The following ZC3H7A variants were observed in gnomAD, a reference collection of about 807,000 sequenced individuals.
The protein encoded by ZC3H7A is zinc finger CCCH domain-containing protein 7A.
ZC3H7A carries 44 observed loss-of-function variants against 125.5 expected under a neutral mutation model. The observed-to-expected ratio is 0.35, with a 90% confidence interval of 0.28 to 0.45. The LOEUF (loss-of-function observed/expected upper bound fraction) is 0.45, where lower values mean the gene tolerates loss of function less well. ZC3H7A is among the 20% of genes least tolerant of loss of function. ZC3H7A has a pLI of 1.00. For missense variants in ZC3H7A, 977 were observed against 1,170.7 expected (o/e 0.83, Z 2.41); for synonymous variants, 399 against 391.2 (o/e 1.02, Z -0.23).
intron 1 of ZC3H7A, among the ~76,000 whole-genome samples, chr16:11,790,535 G>A (rs774031583): frequency 3.9e-5 from 6 of 151,960 alleles, no homozygotes; most frequent in African/African-American, 7.3e-5. Context: ...TGTTGTTGTC[G>A]TCGTCGTTAT....
intron 21 of ZC3H7A, chr16:11,753,541 A>C (rs1179393386): frequency 6.6e-6 from 1 of 152,412 alleles, no homozygotes; most frequent in African/African-American, 2.4e-5. Context: ...TCCTGGGCTC[A>C]AGTGGTCCTC....
intron 1 of ZC3H7A, among the ~76,000 whole-genome samples, chr16:11,791,125 ACACAC>A (rs2053343710): frequency 1.3e-5 from 2 of 150,948 alleles, no homozygotes; most frequent in African/African-American, 2.4e-5. Context: ...ACACACACAC[ACACAC>A]ATCCCAATGC....
chr16:11,773,744 G>T (rs1373305880), intron 9 of ZC3H7A, among the ~76,000 whole-genome samples: 2 of 151,716 alleles, frequency 1.3e-5, no homozygotes, highest in Non-Finnish European at 2.9e-5. Flanking sequence ...TTAGCCAGGC[G>T]TGGTGGCGGG....
At position 11,790,321 on chromosome 16, in the gene ZC3H7A, G is replaced by A. The variant is rs532942741; in HGVS notation, c.-35+6803C>T. On this transcript the variant is annotated intron_variant, in intron 1 of 22. Transcript: ENST00000355758. ...TAATCTATCATTAGCAAGGCTCAGC[G>A]TCCTTTCAAATTTAAGAATCATCTG... 4.1e-4 allele frequency among the ~76,000 whole-genome samples: 62 copies of A among 152,240 alleles called. No individual in the cohort carries two copies. In the South Asian group the frequency reaches 5.0e-3, roughly 12 times the overall value.
At chr16:11,758,778 A>C in intron 19 of ZC3H7A, 1 of 424,944 alleles carries the variant, frequency 2.4e-6, no homozygotes, top group Non-Finnish European at 4.2e-6. Context: ...AAAGCATGGA[A>C]CATTTTCTTA....
chr16:11,782,470 G>C, intron 1 of ZC3H7A, 82 bp from the exon 2 acceptor site: 1 of 1,160,274 alleles, frequency 8.6e-7, no homozygotes, highest in Non-Finnish European at 1.3e-6. Context: ...TCCAGACCTT[G>C]TCACACAATC....
intron 21 of ZC3H7A, among the ~76,000 whole-genome samples, chr16:11,754,690 G>C (rs146625800): frequency 6.6e-6 from 1 of 152,090 alleles, no homozygotes; most frequent in African/African-American, 2.4e-5. Context: ...TCAGGAGTTT[G>C]AGACCAGCCT....
chr16:11,760,526 A>G (rs1239840866), intron 19 of ZC3H7A, among the ~76,000 whole-genome samples: 2 of 152,178 alleles, frequency 1.3e-5, no homozygotes, highest in Non-Finnish European at 2.9e-5. Flanking sequence ...GGTGGTGAAA[A>G]ATACATCTAC....
chr16:11,779,479 T>A, intron 3 of ZC3H7A, 116 bp from the exon 4 acceptor site: 2 of 876,550 alleles, frequency 2.3e-6, no homozygotes, highest in Non-Finnish European at 3.4e-6. Flanking sequence ...ACAGCAGCAT[T>A]GCTCTAAGAA....
At chr16:11,777,493 G>A (rs919837034) in intron 4 of ZC3H7A, among the ~76,000 whole-genome samples, 1 of 152,164 alleles carries the variant, frequency 6.6e-6, no homozygotes, top group Non-Finnish European at 1.5e-5. Context: ...GGCCGAGGTG[G>A]GTGGATCACC....
chr16:11,762,910 T>C, intron 16 of ZC3H7A, 163 bp from the exon 17 acceptor site: 1 of 604,336 alleles, frequency 1.7e-6, no homozygotes, highest in South Asian at 2.1e-5. Flanking sequence ...TGAAATGGAA[T>C]ATACACAAAT....
intron 22 of ZC3H7A, among the ~76,000 whole-genome samples, 197 bp downstream of exon 22, chr16:11,752,472 T>C (rs570633137): frequency 4.6e-5 from 7 of 152,320 alleles, no homozygotes; most frequent in African/African-American, 1.7e-4. Context: ...AATCTTTTCA[T>C]ATAACCTAAG....
At chr16:11,783,499 A>G (rs1429076) in intron 1 of ZC3H7A, among the ~76,000 whole-genome samples, 96,189 of 151,780 alleles carry the variant, frequency 0.63, 31,976 homozygotes, top group East Asian at 0.88. Flanking sequence ...ATTGCAGGAC[A>G]TTGGCAGTAT....
intron 20 of ZC3H7A, among the ~76,000 whole-genome samples, chr16:11,757,102 C>T (rs2052662772): frequency 6.6e-6 from 1 of 152,158 alleles, no homozygotes; most frequent in African/African-American, 2.4e-5. Context: ...CTGGCCTCTG[C>T]CCACTAGATG....
intron 1 of ZC3H7A, among the ~76,000 whole-genome samples, chr16:11,791,315 C>T: frequency 6.6e-6 from 1 of 152,082 alleles, no homozygotes; most frequent in East Asian, 1.9e-4. Context: ...ACAAGTCAGG[C>T]ACTCCATGCT....
intron 1 of ZC3H7A, 41 bp from the exon 2 acceptor site, chr16:11,782,429 G>T: frequency 6.5e-7 from 1 of 1,545,352 alleles, no homozygotes. Flanking sequence ...AGGTACCAGG[G>T]TCCCTGGACT....
intron 21 of ZC3H7A, among the ~76,000 whole-genome samples, chr16:11,754,106 C>T (rs1319105315): frequency 6.6e-6 from 1 of 151,410 alleles, no homozygotes; most frequent in East Asian, 2.0e-4. Flanking sequence ...GCGTGGGCAA[C>T]ATGGCAAAAT....
intron 1 of ZC3H7A, among the ~76,000 whole-genome samples, chr16:11,788,735 G>A (rs769194527): frequency 6.7e-5 from 10 of 150,014 alleles, no homozygotes; most frequent in East Asian, 2.0e-4. Context: ...TGCCTCAGCC[G>A]CCCCAGTATC....
At chr16:11,796,899 A>G (rs2053447951) in intron 1 of ZC3H7A, 1 of 146,202 alleles carries the variant, frequency 6.8e-6, no homozygotes. Flanking sequence ...TCGGTGGGGG[A>G]AGGGGACGGC....
Sources: allele counts gnomAD v4.1 joint callset (sites outside exome capture counted in the v4.1 genomes callset), GRCh38; gene constraint gnomAD v4.1.1; transcripts MANE v1.5; gene names NCBI Gene and HGNC (gene_info 2026-07-23, HGNC 2026-07-21).